The following CFAP44 variants were observed in gnomAD, a reference collection of about 807,000 sequenced individuals.
CFAP44 encodes cilia- and flagella-associated protein 44.
Under a neutral mutation model 216.2 loss-of-function variants are expected in CFAP44, and 134 were observed. The observed-to-expected ratio is 0.62, with a 90% CI of 0.54 to 0.72. CFAP44 has a LOEUF of 0.72. Ranked by LOEUF, CFAP44 falls within the 30% of genes least tolerant of loss-of-function variation. CFAP44 has a pLI of 0.00. For synonymous variants in CFAP44, 700 were observed against 727.6 expected, an observed-to-expected ratio of 0.96 and a Z score of 0.61; for missense variants, 2,035 against 2,182.1, an observed-to-expected ratio of 0.93 and a Z score of 1.34.
chr3:113,395,638 C>T (rs896478732), intron 15 of CFAP44, 112 bp downstream of exon 15: 1 of 879,742 alleles, frequency 1.1e-6, no homozygotes, highest in Non-Finnish European at 1.7e-6. Flanking sequence ...CTGACCCTCA[C>T]TGCAGGAACC....
chr3:113,361,272 G>T, intron 21 of CFAP44: 1 of 220,232 alleles, frequency 4.5e-6, no homozygotes, highest in South Asian at 8.0e-5. Context: ...TGGCATGCCT[G>T]AAGAAGTGCT....
intron 24 of CFAP44, among the ~76,000 whole-genome samples, chr3:113,337,269 AT>A (rs1315894162): frequency 6.6e-6 from 1 of 152,026 alleles, no homozygotes; most frequent in Non-Finnish European, 1.5e-5. Flanking sequence ...AGAACTTTTT[AT>A]GCTGAAAACA....
At chr3:113,370,204 G>A (rs1933105185) in intron 18 of CFAP44, among the ~76,000 whole-genome samples, 1 of 152,174 alleles carries the variant, frequency 6.6e-6, no homozygotes, top group Non-Finnish European at 1.5e-5. Flanking sequence ...AATAGAAAAA[G>A]AGGAAATCCT....
At chr3:113,405,030 A>C (rs945582892) in intron 8 of CFAP44, among the ~76,000 whole-genome samples, 1 of 152,244 alleles carries the variant, frequency 6.6e-6, no homozygotes, top group Non-Finnish European at 1.5e-5. Context: ...AATTTGACTT[A>C]AAAAGTCTTA....
chr3:113,362,889 CCATGTATTCCTTT>C (rs1239640138), intron 21 of CFAP44: 1 of 1,209,498 alleles, frequency 8.3e-7, no homozygotes, highest in Non-Finnish European at 1.0e-6. Context: ...TATTTCTTCC[CCATGTATTCCTTT>C]CATGTGTTCT....
intron 22 of CFAP44, among the ~76,000 whole-genome samples, chr3:113,350,643 T>A (rs1950435709): frequency 6.6e-6 from 1 of 152,188 alleles, no homozygotes; most frequent in African/African-American, 2.4e-5. Flanking sequence ...CCCGTAGCCT[T>A]CCTATCAGAG....
At chr3:113,388,967 T>A (rs1005050153) in intron 15 of CFAP44, among the ~76,000 whole-genome samples, 3 of 152,268 alleles carry the variant, frequency 2.0e-5, no homozygotes, top group African/African-American at 7.2e-5. Flanking sequence ...GGACAGATCA[T>A]CCAGGCAGAA....
intron 18 of CFAP44, among the ~76,000 whole-genome samples, chr3:113,370,705 A>T (rs571761494): frequency 4.3e-4 from 66 of 152,352 alleles, no homozygotes; most frequent in African/African-American, 1.5e-3. Flanking sequence ...TGCCTATTCA[A>T]CATAGTGTTG....
In CFAP44 at chr3:113,409,101, C is replaced by T. The variant is rs768955314; in HGVS notation, c.890+5G>A. Reference sequence around the variant, plus strand: ...ACTGGCACCTCTATTGGTTACCCAACCTACTTGATGTGGCCTGATCCCGAT... The same window carrying T: ...ACTGGCACCTCTATTGGTTACCCAATCTACTTGATGTGGCCTGATCCCGAT... On this transcript the variant is annotated splice_donor_5th_base_variant and intron_variant, in intron 7 of 34. Transcript: ENST00000393845. 1 of 1,604,248 alleles carries T rather than the reference C, an allele frequency of 6.2e-7. No homozygotes were observed. Among genetic ancestry groups the T allele is most frequent in the Admixed American group, 1.7e-5 (1 of 59,490 alleles).
chr3:113,386,668 T>C (rs1391252101), intron 15 of CFAP44, among the ~76,000 whole-genome samples: 4 of 152,118 alleles, frequency 2.6e-5, no homozygotes, highest in Admixed American at 6.5e-5. Context: ...CCTCCACCAA[T>C]TGACCTCCCC....
chr3:113,426,220 T>A lies in CFAP44; in HGVS notation c.311A>T (p.Lys104Ile). 6.2e-7 allele frequency: 1 copy of A among 1,614,162 alleles called. No homozygotes were observed. The highest frequency in any genetic ancestry group is 8.5e-7 in the Non-Finnish European group (1 of 1,179,980). The change falls in exon 4 of 35, where the codon AAA becomes ATA. Residue 104 changes from lysine to isoleucine, a missense_variant. By Grantham distance (102) the Lys-to-Ile change is moderately radical. Around this residue, in one of 3 missense-constraint regions of CFAP44, gnomAD observed 149 missense variants for 141.8 expected, o/e 1.05. Transcript: ENST00000393845. The part of the protein sequence containing the change: ...VEEAEEEVKK[K>I]ISESFFYDYM... ...ATCATAGAAGAAGCTCTCTGATATT[T>A]TCTTCTTAACTTCCTCCTCTGCTTC...
chr3:113,299,856 C>T (rs188777186), intron 32 of CFAP44, among the ~76,000 whole-genome samples: 2 of 152,234 alleles, frequency 1.3e-5, no homozygotes, highest in East Asian at 3.9e-4. Flanking sequence ...AGCAAGATCC[C>T]GTCTCTACAA....
At position 113,289,699 on chromosome 3, in the gene CFAP44, A is replaced by G. The variant is rs558937704; in HGVS notation, c.*1858T>C. The G allele has an allele frequency of 1.3e-5, 2 of 152,362 alleles. No individual in the cohort carries two copies. The highest frequency in any genetic ancestry group is 4.8e-5 in the African/African-American group (2 of 41,570). The allele number at this position is 152,362 out of a possible 1,614,324, so 9.4% of individuals were successfully genotyped here. ...CACACAGGGTCAGCCTGTGACCCAT[A>G]TGACAATAGTGACGCTATGTCACTT... On this transcript the variant is annotated 3_prime_UTR_variant, in exon 35 of 35. Coordinates refer to ENST00000393845, the MANE Select transcript of CFAP44 (RefSeq NM_001164496.2).
chr3:113,359,650 T>G (rs914740592), intron 21 of CFAP44, among the ~76,000 whole-genome samples: 1 of 152,154 alleles, frequency 6.6e-6, no homozygotes, highest in African/African-American at 2.4e-5. Context: ...CACCAAAGCA[T>G]TTTTTATATG....
intron 6 of CFAP44, 128 bp downstream of exon 6, chr3:113,416,397 A>G (rs1451658274): frequency 2.1e-5 from 15 of 728,154 alleles, no homozygotes; most frequent in Non-Finnish European, 3.5e-5. Context: ...GAATTTGAAT[A>G]AATCTCTTTT....
At chr3:113,323,383 T>C (rs1194170076) in intron 28 of CFAP44, among the ~76,000 whole-genome samples, 2 of 152,128 alleles carry the variant, frequency 1.3e-5, no homozygotes, top group Non-Finnish European at 2.9e-5. Context: ...AAATACTACA[T>C]ATTTTCATTT....
chr3:113,422,631 G>A (rs1475807807), intron 4 of CFAP44, among the ~76,000 whole-genome samples: 1 of 152,150 alleles, frequency 6.6e-6, no homozygotes, highest in Non-Finnish European at 1.5e-5. Flanking sequence ...GCCTCCTGGA[G>A]GAAGTTTTGC....
chr3:113,432,089 T>C (rs767008309), intron 2 of CFAP44: 8 of 152,162 alleles, frequency 5.3e-5, no homozygotes, highest in African/African-American at 7.2e-5. Flanking sequence ...AAATGGTAGA[T>C]CCAGGACTCA....
chr3:113,314,372 C>A (rs116105460), intron 28 of CFAP44, among the ~76,000 whole-genome samples: 2 of 152,104 alleles, frequency 1.3e-5, no homozygotes, highest in African/African-American at 2.4e-5. Flanking sequence ...GGAAATGACA[C>A]AATGATTTTT....
Sources: allele counts gnomAD v4.1 joint callset (sites outside exome capture counted in the v4.1 genomes callset), GRCh38; gene constraint gnomAD v4.1.1; regional missense constraint gnomAD v4.1.1; transcripts MANE v1.5; gene names NCBI Gene and HGNC (gene_info 2026-07-23, HGNC 2026-07-21).